THSD4: variants seen among roughly 807,000 people sequenced by gnomAD.
The protein encoded by THSD4 is thrombospondin type 1 domain containing 4, also known as thrombospondin type-1 domain-containing protein 4.
Under a neutral mutation model 119.0 loss-of-function variants are expected in THSD4, and 69 were observed. The ratio of observed to expected loss-of-function variants is 0.58; its 90% CI spans 0.48 to 0.71. THSD4 has a LOEUF of 0.71. Among genes scored for constraint, THSD4 ranks in the 30% least tolerant of loss-of-function variants. THSD4 has a pLI of 0.00. For missense variants in THSD4, 1,393 were observed against 1,391.1 expected (o/e 1.00, Z -0.02); for synonymous variants, 524 against 540.4 (o/e 0.97, Z 0.42).
chr15:71,714,976 T>A (rs1221091187), intron 8 of THSD4, among the ~76,000 whole-genome samples: 1 of 152,178 alleles, frequency 6.6e-6, no homozygotes, highest in Non-Finnish European at 1.5e-5. Flanking sequence ...AGTGAGTGGG[T>A]GGACAAGCTG....
At chr15:71,723,202 C>T (rs1245610770) in intron 8 of THSD4, among the ~76,000 whole-genome samples, 1 of 152,074 alleles carries the variant, frequency 6.6e-6, no homozygotes, top group Non-Finnish European at 1.5e-5. Flanking sequence ...GGTGTATGGG[C>T]ATTTCAAGTT....
intron 7 of THSD4, among the ~76,000 whole-genome samples, chr15:71,604,162 T>C (rs1352290614): frequency 6.6e-6 from 1 of 152,092 alleles, no homozygotes; most frequent in African/African-American, 2.4e-5. Flanking sequence ...CTAATGAGTT[T>C]GGGGTGGTGA....
chr15:71,462,972 T>A (rs1342493216), intron 7 of THSD4, among the ~76,000 whole-genome samples: 1 of 152,236 alleles, frequency 6.6e-6, no homozygotes, highest in Non-Finnish European at 1.5e-5. Flanking sequence ...TGACCAAAGA[T>A]CTCATTAGCT....
At chr15:71,354,301 A>G (rs1427728685) in intron 6 of THSD4, among the ~76,000 whole-genome samples, 1 of 152,050 alleles carries the variant, frequency 6.6e-6, no homozygotes, top group East Asian at 1.9e-4. Flanking sequence ...TAAAGAAAAG[A>G]AAAGGGAGCT....
At chr15:71,356,715 G>T (rs914527708) in intron 6 of THSD4, among the ~76,000 whole-genome samples, 1 of 152,172 alleles carries the variant, frequency 6.6e-6, no homozygotes, top group African/African-American at 2.4e-5. Flanking sequence ...CATGCAGGGT[G>T]CTGCCCTCTC....
chr15:71,105,344 A>G (rs994391022), intron 1 of THSD4, among the ~76,000 whole-genome samples: 10 of 152,232 alleles, frequency 6.6e-5, no homozygotes, highest in African/African-American at 2.4e-4. Flanking sequence ...GGTGAGGTCT[A>G]GAAGGGTCCA....
At chr15:71,671,678 A>G (rs2051532010) in intron 8 of THSD4, among the ~76,000 whole-genome samples, 1 of 152,198 alleles carries the variant, frequency 6.6e-6, no homozygotes, top group South Asian at 2.1e-4. Context: ...TAAGGAAGGG[A>G]TCCAGTTTCA....
intron 1 of THSD4, among the ~76,000 whole-genome samples, chr15:71,105,014 T>C (rs2040268441): frequency 6.6e-6 from 1 of 152,114 alleles, no homozygotes; most frequent in African/African-American, 2.4e-5. Flanking sequence ...TTAATGGTGG[T>C]CAGTTGTGCC....
intron 3 of THSD4, among the ~76,000 whole-genome samples, chr15:71,193,060 C>T (rs1301757006): frequency 6.6e-6 from 1 of 152,180 alleles, no homozygotes; most frequent in Non-Finnish European, 1.5e-5. Context: ...GCTGACTGCA[C>T]AGGAATACGA....
chr15:71,581,905 G>A (rs1406295483), intron 7 of THSD4, among the ~76,000 whole-genome samples: 1 of 152,068 alleles, frequency 6.6e-6, no homozygotes, highest in Non-Finnish European at 1.5e-5. Context: ...ATACTGTTTT[G>A]ATTACTGTAG....
chr15:71,727,354 G>T (rs8026034), intron 8 of THSD4, among the ~76,000 whole-genome samples: 3 of 151,166 alleles, frequency 2.0e-5, no homozygotes, highest in Non-Finnish European at 4.4e-5. Flanking sequence ...GACCCTCTTA[G>T]CTTTAGCTTT....
Position 71,476,392 on chromosome 15 carries a change from C to T in THSD4, c.1152+64569C>T, listed in dbSNP as rs115803172. ...GATTACTAGTAGCGGGAGGCACCTG[C>T]TACCATGCTTGGCTAATTTTTGTAT... On this transcript the variant is annotated intron_variant, in intron 7 of 17. Transcript: ENST00000261862. Among the ~76,000 whole-genome samples, 1,261 of 152,268 alleles carry T rather than the reference C, an allele frequency of 8.3e-3. 19 individuals are homozygous for T. The highest frequency in any genetic ancestry group is 0.029 in the African/African-American group (1,212 of 41,542).
intron 4 of THSD4, among the ~76,000 whole-genome samples, chr15:71,228,971 G>A (rs117383532): frequency 0.015 from 2,289 of 152,252 alleles, 24 homozygotes; most frequent in Non-Finnish European, 0.022. Context: ...TGCTGAAAAC[G>A]TTTCCTTTCT....
At position 71,554,094 on chromosome 15, in the gene THSD4, G is replaced by GTTTT. The variant is rs1376282163; in HGVS notation, c.1153-106436_1153-106435insTTTT. On this transcript the variant is annotated intron_variant, in intron 7 of 17. Transcript: ENST00000261862. ...TTTTCGTTTGTTTTTTGTTTGGTTT[G>GTTTT]GTTTTTTTTTTTTCAGATGGAGTCT... is the stretch of plus-strand genomic sequence containing the variant. 4.1e-4 allele frequency among the ~76,000 whole-genome samples: 18 copies of GTTTT among 44,102 alleles called. No individual in the cohort carries two copies. The South Asian group carries it at 0.011, about 28-fold the overall frequency. 28.9% of individuals were successfully genotyped at this position (44,102 alleles called of 152,430 possible).
At chr15:71,458,020 CT>C (rs1181998581) in intron 7 of THSD4, among the ~76,000 whole-genome samples, 4 of 152,150 alleles carry the variant, frequency 2.6e-5, no homozygotes, top group Admixed American at 2.6e-4. Context: ...GATTCCTGGG[CT>C]TTTCTAGACC....
chr15:71,660,412 G>C, intron 7 of THSD4, 118 bp from the exon 8 acceptor site: 2 of 1,262,416 alleles, frequency 1.6e-6, no homozygotes, highest in Non-Finnish European at 2.2e-6. Flanking sequence ...CCCACTCCTA[G>C]AATATACATT....
chr15:71,561,634 C>G (rs766904436), intron 7 of THSD4, among the ~76,000 whole-genome samples: 1 of 151,972 alleles, frequency 6.6e-6, no homozygotes. Context: ...CTCCAAATTC[C>G]TTAACCAAAT....
chr15:71,774,624 G>A (rs1203149593), intron 17 of THSD4, among the ~76,000 whole-genome samples: 1 of 151,814 alleles, frequency 6.6e-6, no homozygotes, highest in East Asian at 1.9e-4. Context: ...ATGTACAGGG[G>A]CACACACATG....
chr15:71,767,990 T>G (rs972967500), intron 16 of THSD4, among the ~76,000 whole-genome samples: 1 of 152,140 alleles, frequency 6.6e-6, no homozygotes, highest in African/African-American at 2.4e-5. Flanking sequence ...ACAATGAAGT[T>G]TATAATACTT....
Sources: allele counts gnomAD v4.1 joint callset (sites outside exome capture counted in the v4.1 genomes callset), GRCh38; gene constraint gnomAD v4.1.1; transcripts MANE v1.5; gene names NCBI Gene and HGNC (gene_info 2026-07-23, HGNC 2026-07-21).